PTCHD4: variants seen among roughly 807,000 people sequenced by gnomAD.
The protein encoded by PTCHD4 is patched domain-containing protein 4.
In PTCHD4, 33 loss-of-function variants were observed where a neutral mutation model predicts 58.1. That is an observed-to-expected ratio of 0.57 (90% confidence interval 0.43 to 0.76). PTCHD4 has a LOEUF of 0.76. Ranked by LOEUF, PTCHD4 falls within the 30% of genes least tolerant of loss-of-function variation. The pLI, the probability that PTCHD4 is intolerant of heterozygous loss-of-function variation, is 0.00. For missense variants in PTCHD4, 1,058 were observed against 1,027.1 expected (o/e 1.03, Z -0.41); for synonymous variants, 478 against 409.6 (o/e 1.17, Z -2.02).
intron 1 of PTCHD4, among the ~76,000 whole-genome samples, chr6:48,071,861 C>T (rs1190456690): frequency 6.6e-6 from 1 of 152,058 alleles, no homozygotes; most frequent in East Asian, 1.9e-4. Flanking sequence ...AAGTATTGGT[C>T]AGATATTTGG....
intron 4 of PTCHD4, among the ~76,000 whole-genome samples, chr6:47,939,519 T>G (rs1766130290): frequency 6.6e-6 from 1 of 152,074 alleles, no homozygotes; most frequent in African/African-American, 2.4e-5. Flanking sequence ...GTGGAAATCA[T>G]AATGTGATTA....
Position 47,858,297 on chromosome 6 carries a change from T to C in PTCHD4, c.*20006A>G, listed in dbSNP as rs988604436. Among the ~76,000 whole-genome samples, 2 of 152,010 alleles carry C rather than the reference T, an allele frequency of 1.3e-5. No homozygotes were observed. Among genetic ancestry groups the C allele is most frequent in the African/African-American group, 4.8e-5 (2 of 41,422 alleles). On this transcript the variant is annotated 3_prime_UTR_variant, in exon 5 of 5. Transcript: ENST00000339488. ...TGATTTGAGTTTATCATATTCACCTTACTCCATTAATAAATTTCTTCTGTA... is the reference window on the plus strand; with the variant it reads ...TGATTTGAGTTTATCATATTCACCTCACTCCATTAATAAATTTCTTCTGTA...
intron 4 of PTCHD4, among the ~76,000 whole-genome samples, chr6:47,935,676 A>C (rs1416143114): frequency 6.6e-6 from 1 of 152,168 alleles, no homozygotes. Flanking sequence ...TCTGTTATAT[A>C]TTCATTTATT....
At chr6:48,006,962 G>A (rs1762459067) in intron 4 of PTCHD4, among the ~76,000 whole-genome samples, 1 of 152,206 alleles carries the variant, frequency 6.6e-6, no homozygotes, top group South Asian at 2.1e-4. Flanking sequence ...GAACTAGCTG[G>A]GCGTGGTGGC....
At chr6:47,885,111 TATA>T (rs1414734240) in intron 4 of PTCHD4, among the ~76,000 whole-genome samples, 1 of 152,232 alleles carries the variant, frequency 6.6e-6, no homozygotes, top group African/African-American at 2.4e-5. Flanking sequence ...ATTAGATTAA[TATA>T]ATAAGTAACT....
At chr6:47,987,338 C>T (rs1768103386) in intron 4 of PTCHD4, among the ~76,000 whole-genome samples, 1 of 150,060 alleles carries the variant, frequency 6.7e-6, no homozygotes, top group Admixed American at 6.6e-5. Flanking sequence ...AGCACACCAA[C>T]ATGGCACATG....
At chr6:48,004,451 T>C (rs1768871849) in intron 4 of PTCHD4, among the ~76,000 whole-genome samples, 1 of 152,128 alleles carries the variant, frequency 6.6e-6, no homozygotes, top group Admixed American at 6.5e-5. Context: ...GTGTGTAATA[T>C]TAGCCCATAT....
At chr6:48,033,048 G>A (rs1318943811) in intron 3 of PTCHD4, among the ~76,000 whole-genome samples, 1 of 151,988 alleles carries the variant, frequency 6.6e-6, no homozygotes, top group Non-Finnish European at 1.5e-5. Context: ...AGAATTGTGT[G>A]TCTTTTCTGA....
intron 3 of PTCHD4, among the ~76,000 whole-genome samples, chr6:48,063,465 A>G (rs1163255420): frequency 1.3e-5 from 2 of 152,174 alleles, no homozygotes; most frequent in Non-Finnish European, 2.9e-5. Flanking sequence ...GTTACAGAGA[A>G]TGATGGAGGA....
At position 47,867,324 on chromosome 6, in the gene PTCHD4, C is replaced by T. The variant is rs1471529527; in HGVS notation, c.*10979G>A. Among the ~76,000 whole-genome samples, 1 of 151,712 alleles carries T rather than the reference C, an allele frequency of 6.6e-6. No homozygotes were observed. Among genetic ancestry groups the T allele is most frequent in the Non-Finnish European group, 1.5e-5 (1 of 67,832 alleles). On this transcript the variant is annotated 3_prime_UTR_variant, in exon 5 of 5. Transcript: ENST00000339488. ...TGCTCTAAACTGGCTCTTGCAACCACTACATTTCAAAGCAAGAGAGATTAT... is the reference window on the plus strand; with the variant it reads ...TGCTCTAAACTGGCTCTTGCAACCATTACATTTCAAAGCAAGAGAGATTAT...
Position 47,861,521 on chromosome 6 carries a change from C to T in PTCHD4, c.*16782G>A, listed in dbSNP as rs1763425293. ...CTAATCAATCATTAGGCATCCTTGC[C>T]TTCCTATCTTACCATTTTGTCCAAA... On this transcript the variant is annotated 3_prime_UTR_variant, in exon 5 of 5. Coordinates refer to ENST00000339488, the MANE Select transcript of PTCHD4 (RefSeq NM_001384253.1). Among the ~76,000 whole-genome samples, 1 of 151,874 alleles carries T rather than the reference C, an allele frequency of 6.6e-6. No individual in the cohort carries two copies. Among genetic ancestry groups the T allele is most frequent in the African/African-American group, 2.4e-5 (1 of 41,392 alleles).
At chr6:47,929,706 G>A (rs1474184459) in intron 4 of PTCHD4, among the ~76,000 whole-genome samples, 1 of 152,232 alleles carries the variant, frequency 6.6e-6, no homozygotes, top group Non-Finnish European at 1.5e-5. Context: ...AAATGCTCTG[G>A]TGCTGTTTCA....
intron 3 of PTCHD4, among the ~76,000 whole-genome samples, chr6:48,051,641 C>A (rs1307472215): frequency 6.6e-6 from 1 of 151,860 alleles, no homozygotes; most frequent in African/African-American, 2.4e-5. Flanking sequence ...TTTTTTAAGT[C>A]TATAGCATTA....
chr6:47,961,482 C>A (rs2113968749), intron 4 of PTCHD4, among the ~76,000 whole-genome samples: 1 of 151,838 alleles, frequency 6.6e-6, no homozygotes, highest in South Asian at 2.1e-4. Flanking sequence ...TTAGTAGAGA[C>A]AGAGTTTCAC....
chr6:48,044,085 G>T (rs1763947594), intron 3 of PTCHD4, among the ~76,000 whole-genome samples: 1 of 151,762 alleles, frequency 6.6e-6, no homozygotes, highest in Non-Finnish European at 1.5e-5. Flanking sequence ...CCTGAGACTG[G>T]TGGGGGTTGT....
At chr6:48,107,203 C>G (rs1247176426) in intron 1 of PTCHD4, among the ~76,000 whole-genome samples, 1 of 152,164 alleles carries the variant, frequency 6.6e-6, no homozygotes, top group East Asian at 1.9e-4. Context: ...TCAAACTATA[C>G]TACAAGGCTA....
At chr6:48,088,199 G>GT (rs1765298532) in intron 1 of PTCHD4, among the ~76,000 whole-genome samples, 1 of 152,036 alleles carries the variant, frequency 6.6e-6, no homozygotes, top group East Asian at 1.9e-4. Flanking sequence ...TATTCTTTGT[G>GT]TTTTTTAGAG....
chr6:48,082,425 A>G (rs1300571041), intron 1 of PTCHD4, among the ~76,000 whole-genome samples: 1 of 152,192 alleles, frequency 6.6e-6, no homozygotes, highest in African/African-American at 2.4e-5. Flanking sequence ...TAATTTCCTG[A>G]TGATAGGACA....
intron 3 of PTCHD4, among the ~76,000 whole-genome samples, chr6:48,040,254 T>C (rs12191235): frequency 0.19 from 28,723 of 152,034 alleles, 3,087 homozygotes; most frequent in South Asian, 0.26. Flanking sequence ...TCTTGTTACA[T>C]CTTTGTTGAT....
Sources: gnomAD v4.1 joint callset for allele counts (sites outside exome capture counted in the v4.1 genomes callset) on GRCh38, gnomAD v4.1.1 for gene constraint, MANE v1.5 for transcripts, NCBI Gene and HGNC (gene_info 2026-07-23, HGNC 2026-07-21) for gene names.